The following AFG1L variants were observed in gnomAD, a reference collection of about 807,000 sequenced individuals.
The protein encoded by AFG1L is AFG1-like ATPase.
In AFG1L, 53 loss-of-function variants were observed where a neutral mutation model predicts 62.2. The ratio of observed to expected loss-of-function variants is 0.85; its 90% CI spans 0.68 to 1.07. The LOEUF (loss-of-function observed/expected upper bound fraction) is 1.07, where lower values mean the gene tolerates loss of function less well. Among genes scored for constraint, AFG1L ranks in the 50% least tolerant of loss-of-function variants. The pLI is 0.00. For missense variants in AFG1L, 555 were observed against 590.5 expected (o/e 0.94, Z 0.62); for synonymous variants, 228 against 210.3 (o/e 1.08, Z -0.73).
rs559305743 is a variant in AFG1L at position 108,525,754 on chromosome 6, C to G, written c.*3329C>G. 6.6e-6 allele frequency: 1 copy of G among 152,166 alleles called. No individual in the cohort carries two copies. Among genetic ancestry groups the G allele is most frequent in the Admixed American group, 6.5e-5 (1 of 15,272 alleles). The allele number at this position is 152,166 out of a possible 1,614,324, so 9.4% of individuals were successfully genotyped here. On this transcript the variant is annotated 3_prime_UTR_variant, in exon 13 of 13. Coordinates refer to ENST00000368977, the MANE Select transcript of AFG1L (RefSeq NM_145315.5). ...GATTAATGAATTGCTAAGATATAACCGAAGTCAATAAAATTAGCAAAGTGC... is the reference window on the plus strand; with the variant it reads ...GATTAATGAATTGCTAAGATATAACGGAAGTCAATAAAATTAGCAAAGTGC...
At chr6:108,480,564 G>A (rs993695310) in intron 10 of AFG1L, among the ~76,000 whole-genome samples, 3 of 152,124 alleles carry the variant, frequency 2.0e-5, no homozygotes, top group African/African-American at 4.8e-5. Flanking sequence ...TTGGGAGGCC[G>A]AGGCAGGCGG....
intron 6 of AFG1L, among the ~76,000 whole-genome samples, chr6:108,391,915 G>T (rs1781073985): frequency 1.3e-5 from 2 of 152,170 alleles, no homozygotes; most frequent in Admixed American, 6.5e-5. Flanking sequence ...CTGAAAGCCT[G>T]CCATTGTTAA....
chr6:108,300,014 G>T lies in AFG1L; in HGVS notation c.139+4796G>T, dbSNP rs867125392. On this transcript the variant is annotated intron_variant, in intron 1 of 12. Transcript: ENST00000368977. The stretch of plus-strand genomic sequence containing the variant: ...TTTCATAGAAGCAAGGTAATATGAG[G>T]ATCACATCTTATGATTTCTTTTTAT... Among the ~76,000 whole-genome samples the T allele has an allele frequency of 7.2e-5, 11 of 152,134 alleles. No individual in the cohort carries two copies. In the South Asian group the frequency reaches 1.9e-3, roughly 26 times the overall value.
chr6:108,336,628 T>G (rs1414399913), intron 2 of AFG1L, among the ~76,000 whole-genome samples: 1 of 152,226 alleles, frequency 6.6e-6, no homozygotes, highest in Non-Finnish European at 1.5e-5. Flanking sequence ...AGCAAATGTC[T>G]ACAATACAAA....
intron 7 of AFG1L, among the ~76,000 whole-genome samples, chr6:108,435,135 C>T (rs1176392226): frequency 6.6e-6 from 1 of 152,186 alleles, no homozygotes; most frequent in East Asian, 1.9e-4. Context: ...ACGAGATTGG[C>T]AGCAGTGTAT....
At chr6:108,360,269 G>T (rs966375619) in intron 5 of AFG1L, among the ~76,000 whole-genome samples, 1 of 152,102 alleles carries the variant, frequency 6.6e-6, no homozygotes, top group East Asian at 1.9e-4. Flanking sequence ...GCTTCCTACT[G>T]TTCCCAATAC....
chr6:108,433,656 G>T (rs1386201649), intron 7 of AFG1L, among the ~76,000 whole-genome samples: 1 of 152,002 alleles, frequency 6.6e-6, no homozygotes, highest in African/African-American at 2.4e-5. Flanking sequence ...GCAGTGGCGC[G>T]ATCTCAGCTC....
intron 7 of AFG1L, among the ~76,000 whole-genome samples, chr6:108,421,104 AACTTTAAT>A (rs1220673380): frequency 6.6e-6 from 1 of 152,150 alleles, no homozygotes; most frequent in South Asian, 2.1e-4. Flanking sequence ...TGCAGAGAAG[AACTTTAAT>A]CCAATAAACA....
At chr6:108,383,939 C>A (rs1237648941) in intron 6 of AFG1L, among the ~76,000 whole-genome samples, 2 of 151,840 alleles carry the variant, frequency 1.3e-5, no homozygotes, top group Non-Finnish European at 2.9e-5. Context: ...GGGTTGAGTT[C>A]CCTATTAAAA....
At chr6:108,485,230 TG>T (rs1773492416) in intron 10 of AFG1L, among the ~76,000 whole-genome samples, 1 of 152,184 alleles carries the variant, frequency 6.6e-6, no homozygotes, top group Admixed American at 6.5e-5. Flanking sequence ...CTGCAAGCCA[TG>T]GACTTCTCAG....
At chr6:108,489,204 G>C (rs529728430) in intron 10 of AFG1L, among the ~76,000 whole-genome samples, 1 of 152,158 alleles carries the variant, frequency 6.6e-6, no homozygotes, top group African/African-American at 2.4e-5. Flanking sequence ...AACCAGAGAA[G>C]AGCAAATCAG....
chr6:108,499,853 G>A (rs1040970487), intron 10 of AFG1L, among the ~76,000 whole-genome samples: 1 of 152,122 alleles, frequency 6.6e-6, no homozygotes, highest in African/African-American at 2.4e-5. Flanking sequence ...TTACATGGGT[G>A]TATTGTATAA....
intron 3 of AFG1L, among the ~76,000 whole-genome samples, chr6:108,348,290 G>C (rs1778947709): frequency 6.6e-6 from 1 of 152,206 alleles, no homozygotes; most frequent in Non-Finnish European, 1.5e-5. Flanking sequence ...GTGTTAGCCA[G>C]GATGGCCTCG....
chr6:108,306,172 A>G (rs1239974278), intron 1 of AFG1L, among the ~76,000 whole-genome samples: 3 of 152,182 alleles, frequency 2.0e-5, no homozygotes, highest in South Asian at 2.1e-4. Context: ...CCAAAGTGCT[A>G]GGATTACAGA....
intron 7 of AFG1L, among the ~76,000 whole-genome samples, chr6:108,422,884 C>T (rs1218607384): frequency 6.6e-6 from 1 of 152,012 alleles, no homozygotes; most frequent in African/African-American, 2.4e-5. Flanking sequence ...TTTCAAGCCA[C>T]AATGCTCTGA....
In AFG1L at chr6:108,456,959, G is replaced by A. The variant is rs1044695882; in HGVS notation, c.890+9663G>A. The stretch of plus-strand genomic sequence containing the variant: ...AGGCTATACCGTACACCACAAGTGC[G>A]TAGCAGGCTATGCCATCTAGGTTTG... On this transcript the variant is annotated intron_variant, in intron 8 of 12. Transcript: ENST00000368977. Among the ~76,000 whole-genome samples the A allele has an allele frequency of 4.6e-5, 7 of 152,258 alleles. No homozygotes were observed. The South Asian group carries it at 1.4e-3, about 32-fold the overall frequency.
rs779101354 is a variant in AFG1L, at chr6:108,323,823, A to G, written c.140-2A>G. On this transcript the variant is annotated splice_acceptor_variant, in intron 1 of 12. Coordinates refer to ENST00000368977, the MANE Select transcript of AFG1L (RefSeq NM_145315.5). LOFTEE classifies it high-confidence loss of function. ...TCTAAAATTTTATGTTTTTGTTTAT[A>G]GCCTATACGGTTCAGACATCCGAGA... The G allele has an allele frequency of 7.5e-6, 12 of 1,608,246 alleles. No individual in the cohort carries two copies. The highest frequency in any genetic ancestry group is 1.0e-5 in the Non-Finnish European group (12 of 1,175,150).
At chr6:108,489,147 T>C (rs564933307) in intron 10 of AFG1L, among the ~76,000 whole-genome samples, 44 of 152,338 alleles carry the variant, frequency 2.9e-4, no homozygotes, top group African/African-American at 1.0e-3. Context: ...GTTAGTCTTA[T>C]ACGGATGTCT....
At chr6:108,417,543 A>G (rs966476631) in intron 7 of AFG1L, among the ~76,000 whole-genome samples, 3 of 152,318 alleles carry the variant, frequency 2.0e-5, no homozygotes, top group East Asian at 1.9e-4. Flanking sequence ...AATAATTTTC[A>G]TAAAATAACT....
Sources: gnomAD v4.1 joint callset for allele counts (sites outside exome capture counted in the v4.1 genomes callset) on GRCh38, gnomAD v4.1.1 for gene constraint, MANE v1.5 for transcripts, NCBI Gene and HGNC (gene_info 2026-07-23, HGNC 2026-07-21) for gene names.